Variants in GFM1 observed in about 807,000 individuals in gnomAD.
The protein encoded by GFM1 is elongation factor G, mitochondrial.
GFM1 carries 62 observed loss-of-function variants against 96.2 expected under a neutral mutation model. The ratio of observed to expected loss-of-function variants is 0.64; its 90% CI spans 0.53 to 0.80. The LOEUF (loss-of-function observed/expected upper bound fraction) is 0.80, where lower values mean the gene tolerates loss of function less well. Ranked by LOEUF, GFM1 falls within the 30% of genes least tolerant of loss-of-function variation. The pLI, the probability that GFM1 is intolerant of heterozygous loss-of-function variation, is 0.00. For synonymous variants in GFM1, 282 were observed against 312.9 expected, an observed-to-expected ratio of 0.90 and a Z score of 1.04; for missense variants, 852 against 916.6, an observed-to-expected ratio of 0.93 and a Z score of 0.91.
chr3:158,677,765 G>C (rs968474867), intron 13 of GFM1, among the ~76,000 whole-genome samples: 4 of 152,124 alleles, frequency 2.6e-5, no homozygotes, highest in Non-Finnish European at 5.9e-5. Flanking sequence ...GCCTCCCAAA[G>C]TGCTGGGATT....
chr3:158,684,736 C>T (rs1415008537), intron 15 of GFM1, 68 bp downstream of exon 15: 2 of 1,535,492 alleles, frequency 1.3e-6, no homozygotes, highest in South Asian at 1.1e-5. Flanking sequence ...CAGAAGGCAA[C>T]ACTGTTTTCA....
intron 16 of GFM1, 132 bp downstream of exon 16, chr3:158,690,455 A>G: frequency 3.5e-6 from 3 of 848,130 alleles, no homozygotes; most frequent in Non-Finnish European, 5.9e-6. Context: ...ATTTTCTGTA[A>G]TTTGCTATTA....
At chr3:158,679,499 A>G (rs1008166646) in intron 13 of GFM1, among the ~76,000 whole-genome samples, 1 of 152,256 alleles carries the variant, frequency 6.6e-6, no homozygotes, top group African/African-American at 2.4e-5. Flanking sequence ...AGCTTTTAAA[A>G]AAATTAATAG....
chr3:158,672,611 T>G, intron 13 of GFM1: 1 of 1,052,896 alleles, frequency 9.5e-7, no homozygotes. Flanking sequence ...CAGTCAGTCT[T>G]CTTCCTCAGC....
At chr3:158,681,201 T>C (rs1725350187) in intron 13 of GFM1, among the ~76,000 whole-genome samples, 1 of 152,192 alleles carries the variant, frequency 6.6e-6, no homozygotes, top group Non-Finnish European at 1.5e-5. Flanking sequence ...TATTTTCTTA[T>C]GTGCTAATAA....
chr3:158,646,360 T>TA, intron 3 of GFM1, 63 bp downstream of exon 3: 1 of 1,549,420 alleles, frequency 6.5e-7, no homozygotes, highest in Non-Finnish European at 8.9e-7. Flanking sequence ...TTCTTTCTCT[T>TA]ACTGTGACCC....
At position 158,646,948 on chromosome 3, in the gene GFM1, G is replaced by A. The variant is rs777575435; in HGVS notation, c.572+1G>A. On this transcript the variant is annotated splice_donor_variant, in intron 4 of 17. Coordinates refer to ENST00000486715, the MANE Select transcript of GFM1 (RefSeq NM_024996.7). LOFTEE classifies it high-confidence loss of function. ...CAGCCAGGGCCCTGCAGCAAATGAGGTAATGAGCCTTAGAATAAACAAAGA... is the reference window on the plus strand; with the variant it reads ...CAGCCAGGGCCCTGCAGCAAATGAGATAATGAGCCTTAGAATAAACAAAGA... 1 of 1,611,912 alleles carries A rather than the reference G, an allele frequency of 6.2e-7. No homozygotes were observed.
At chr3:158,669,212 C>A in intron 13 of GFM1, 1 of 1,405,416 alleles carries the variant, frequency 7.1e-7, no homozygotes, top group South Asian at 1.3e-5. Context: ...TAAATCATGT[C>A]TTAGTTTCCT....
At chr3:158,647,667 T>C (rs1812656) in intron 4 of GFM1, among the ~76,000 whole-genome samples, 63,148 of 152,062 alleles carry the variant, frequency 0.42, 14,258 homozygotes, top group African/African-American at 0.6. Context: ...ATATATTTGA[T>C]ATGAAAGTGA....
chr3:158,661,315 G>A (rs905559724), intron 10 of GFM1, among the ~76,000 whole-genome samples: 1 of 152,162 alleles, frequency 6.6e-6, no homozygotes, highest in Non-Finnish European at 1.5e-5. Flanking sequence ...CACACTTGGG[G>A]TGCATTTCTA....
intron 13 of GFM1, among the ~76,000 whole-genome samples, chr3:158,667,376 T>C (rs1203432531): frequency 2.0e-5 from 3 of 152,254 alleles, no homozygotes; most frequent in African/African-American, 7.2e-5. Context: ...TAGCTTGTTA[T>C]TTAAGAATGC....
chr3:158,661,986 C>T (rs1229184320), intron 10 of GFM1, among the ~76,000 whole-genome samples: 1 of 152,146 alleles, frequency 6.6e-6, no homozygotes, highest in African/African-American at 2.4e-5. Flanking sequence ...ATAAGGCCTT[C>T]TCTAAGTACT....
chr3:158,660,698 G>A (rs565158686), intron 9 of GFM1, 176 bp from the exon 10 acceptor site: 91 of 622,448 alleles, frequency 1.5e-4, no homozygotes, highest in Admixed American at 2.9e-4. Context: ...TTAAAAATAC[G>A]TCTTAGCATG....
chr3:158,666,922 T>C (rs931478316), intron 13 of GFM1: 1 of 1,523,240 alleles, frequency 6.6e-7, no homozygotes, highest in East Asian at 2.4e-5. Flanking sequence ...TGAATTCTGA[T>C]TTAGAGTCAA....
At chr3:158,649,869 G>C in intron 5 of GFM1, 1 of 685,010 alleles carries the variant, frequency 1.5e-6, no homozygotes, top group South Asian at 1.8e-5. Context: ...TGCATTTCTG[G>C]AAGGTTTCCA....
chr3:158,648,765 C>T (rs2108008754), intron 4 of GFM1, among the ~76,000 whole-genome samples: 1 of 151,570 alleles, frequency 6.6e-6, no homozygotes, highest in Admixed American at 6.6e-5. Flanking sequence ...TGTTCTTCCC[C>T]CTTCTGCTTT....
intron 11 of GFM1, 73 bp downstream of exon 11, chr3:158,662,757 A>G (rs181881694): frequency 1.3e-3 from 1,095 of 873,646 alleles, no homozygotes; most frequent in Non-Finnish European, 1.7e-3. Flanking sequence ...TCTACAATGC[A>G]CTTGATATCT....
chr3:158,676,407 T>C (rs918210243), intron 13 of GFM1, among the ~76,000 whole-genome samples: 2 of 152,168 alleles, frequency 1.3e-5, no homozygotes, highest in African/African-American at 4.8e-5. Flanking sequence ...CAGAAAAACA[T>C]GAAAATAAAT....
At chr3:158,650,978 A>AC (rs1722246811) in intron 5 of GFM1, 2 of 136,146 alleles carry the variant, frequency 1.5e-5, no homozygotes, top group Admixed American at 8.2e-5. Context: ...CCGAGATGGC[A>AC]CCACTGCACT....
Sources: gnomAD v4.1 joint callset for allele counts (sites outside exome capture counted in the v4.1 genomes callset) on GRCh38, gnomAD v4.1.1 for gene constraint, MANE v1.5 for transcripts, NCBI Gene and HGNC (gene_info 2026-07-23, HGNC 2026-07-21) for gene names.